SYT1: variants seen among roughly 807,000 people sequenced by gnomAD.
SYT1 encodes synaptotagmin-1.
SYT1 carries 8 observed loss-of-function variants against 44.8 expected under a neutral mutation model. The observed-to-expected ratio is 0.18, with a 90% CI of 0.10 to 0.32. The LOEUF is 0.32. Among genes scored for constraint, SYT1 ranks in the 10% least tolerant of loss-of-function variants. SYT1 has a pLI of 1.00. For missense variants in SYT1, 286 were observed against 509.3 expected, an observed-to-expected ratio of 0.56 and a Z score of 4.22; for synonymous variants, 154 against 188.8, an observed-to-expected ratio of 0.82 and a Z score of 1.51.
chr12:79,422,356 G>C (rs1869171342), intron 9 of SYT1, among the ~76,000 whole-genome samples: 1 of 151,552 alleles, frequency 6.6e-6, no homozygotes, highest in South Asian at 2.1e-4. Context: ...AAGGTTGATT[G>C]GTTTTGTTTA....
chr12:78,983,061 AT>A lies in SYT1; in HGVS notation c.-84+5135del, dbSNP rs565220684. Among the ~76,000 whole-genome samples the A allele has an allele frequency of 4.6e-5, 7 of 150,850 alleles. No homozygotes were observed. In the South Asian group the frequency reaches 1.5e-3, roughly 32 times the overall value. ...TTGTTTATTCACTAACTTTAATCGTATTTTTGTCTAAATTTTCTTCTTCCAA... is the reference window on the plus strand; with the variant it reads ...TTGTTTATTCACTAACTTTAATCGTATTTTGTCTAAATTTTCTTCTTCCAA... On this transcript the variant is annotated intron_variant, in intron 2 of 10. Coordinates refer to ENST00000261205, the MANE Select transcript of SYT1 (RefSeq NM_005639.3).
At chr12:79,446,034 T>TACATATATATATATATGTATATATATATA (rs1491131045) in intron 10 of SYT1, among the ~76,000 whole-genome samples, 11 of 115,552 alleles carry the variant, frequency 9.5e-5, no homozygotes, top group Non-Finnish European at 1.6e-4. Context: ...TATATATATA[T>TACATATATATATATATGTATATATATATA]TATGCCTAGG....
intron 1 of SYT1, among the ~76,000 whole-genome samples, chr12:78,943,998 TTGAA>T (rs1456362069): frequency 6.6e-6 from 1 of 152,180 alleles, no homozygotes; most frequent in Non-Finnish European, 1.5e-5. Context: ...ATGTGTTTCT[TTGAA>T]TGATGATATC....
chr12:79,082,021 A>T (rs1420603816), intron 3 of SYT1, among the ~76,000 whole-genome samples: 1 of 152,220 alleles, frequency 6.6e-6, no homozygotes, highest in Non-Finnish European at 1.5e-5. Flanking sequence ...ATACATTGAC[A>T]TTAAAACTTT....
intron 1 of SYT1, among the ~76,000 whole-genome samples, chr12:78,945,350 A>G (rs1002264449): frequency 6.6e-6 from 1 of 151,814 alleles, no homozygotes; most frequent in African/African-American, 2.4e-5. Flanking sequence ...TCTTTGTAGG[A>G]ACTTATAAAG....
intron 3 of SYT1, among the ~76,000 whole-genome samples, chr12:79,069,701 T>C (rs939059387): frequency 1.3e-5 from 2 of 152,120 alleles, no homozygotes. Flanking sequence ...ATAATAAGTA[T>C]GAAATAAGGA....
chr12:79,185,804 T>C (rs951706545), intron 3 of SYT1, among the ~76,000 whole-genome samples: 6 of 152,040 alleles, frequency 3.9e-5, no homozygotes, highest in Non-Finnish European at 7.4e-5. Context: ...ATACAGGCTT[T>C]TTCTATAAAA....
intron 3 of SYT1, among the ~76,000 whole-genome samples, chr12:79,172,969 C>CAAAAAAAAAAAA (rs200575966): frequency 1.3e-4 from 2 of 15,726 alleles, no homozygotes; most frequent in African/African-American, 3.0e-4. Context: ...TTCCTGCTCT[C>CAAAAAAAAAAAA]AAAAAAAAAA....
At chr12:79,105,606 C>A (rs117660616) in intron 3 of SYT1, among the ~76,000 whole-genome samples, 1 of 152,088 alleles carries the variant, frequency 6.6e-6, no homozygotes, top group East Asian at 1.9e-4. Context: ...TTTGGCCGGG[C>A]GTGGTGGCTC....
At position 78,888,599 on chromosome 12, in the gene SYT1, T is replaced by C. The variant is rs1458548068; in HGVS notation, c.-217+23490T>C. Among the ~76,000 whole-genome samples, 4 of 151,992 alleles carry C rather than the reference T, an allele frequency of 2.6e-5. No homozygotes were observed. The South Asian group carries it at 8.3e-4, about 31-fold the overall frequency. On this transcript the variant is annotated intron_variant, in intron 1 of 10. Transcript: ENST00000261205. ...AATATTTCTATGATAGTTATTATCA[T>C]CTTTTCTAATCTTGTTGGAGTTGTT...
At chr12:79,259,912 T>G (rs1877736590) in intron 4 of SYT1, among the ~76,000 whole-genome samples, 1 of 152,222 alleles carries the variant, frequency 6.6e-6, no homozygotes. Context: ...AGATTTTCTT[T>G]TGTTTTGATT....
At chr12:79,290,987 T>C (rs1026577006) in intron 5 of SYT1, among the ~76,000 whole-genome samples, 2 of 152,226 alleles carry the variant, frequency 1.3e-5, no homozygotes, top group African/African-American at 2.4e-5. Context: ...ATTATTCTAA[T>C]TACTTAAAGC....
chr12:79,383,862 A>G (rs2136078163), intron 9 of SYT1, among the ~76,000 whole-genome samples: 1 of 152,320 alleles, frequency 6.6e-6, no homozygotes, highest in African/African-American at 2.4e-5. Flanking sequence ...AACAAGATGA[A>G]TTCATCTCTA....
chr12:79,299,487 A>G lies in SYT1; in HGVS notation c.746A>G (p.Asn249Ser). 1 of 1,613,668 alleles carries G rather than the reference A, an allele frequency of 6.2e-7. No individual in the cohort carries two copies. The highest frequency in any genetic ancestry group is 8.5e-7 in the Non-Finnish European group (1 of 1,179,658). Reference sequence around the variant, plus strand: ...ATTGGAGAATTTAAAGTCCCTATGAACACAGTGGATTTTGGCCATGTAACT... The same window carrying G: ...ATTGGAGAATTTAAAGTCCCTATGAGCACAGTGGATTTTGGCCATGTAACT... ...DIIGEFKVPMNTVDFGHVTEE... is the reference protein window; with the variant it reads ...DIIGEFKVPMSTVDFGHVTEE... The change falls in exon 8 of 11, where the codon AAC becomes AGC. Residue 249 changes from asparagine (N) to serine (S), a missense_variant. Around this residue, in one of 6 missense-constraint regions of SYT1, gnomAD observed 81 missense variants for 164.9 expected, o/e 0.49. Transcript: ENST00000261205.
chr12:79,382,024 C>T (rs761228388), intron 9 of SYT1, among the ~76,000 whole-genome samples: 1 of 152,048 alleles, frequency 6.6e-6, no homozygotes. Context: ...GATGAGACCA[C>T]GGGGGAGGAA....
At chr12:79,387,083 T>C (rs1884465074) in intron 9 of SYT1, among the ~76,000 whole-genome samples, 1 of 152,232 alleles carries the variant, frequency 6.6e-6, no homozygotes, top group South Asian at 2.1e-4. Context: ...CAATCAAGGC[T>C]AATATCTTAA....
chr12:79,100,362 T>TA (rs779228468), intron 3 of SYT1, among the ~76,000 whole-genome samples: 1 of 152,084 alleles, frequency 6.6e-6, no homozygotes, highest in Non-Finnish European at 1.5e-5. Context: ...TACTATATCT[T>TA]AAAGGTTTTT....
chr12:79,041,557 A>G (rs1750787913), intron 2 of SYT1, among the ~76,000 whole-genome samples: 1 of 152,202 alleles, frequency 6.6e-6, no homozygotes, highest in African/African-American at 2.4e-5. Context: ...ATACACAATC[A>G]TGTCGTCTGC....
intron 4 of SYT1, among the ~76,000 whole-genome samples, chr12:79,255,097 G>A (rs1215664036): frequency 6.6e-6 from 1 of 152,206 alleles, no homozygotes; most frequent in East Asian, 1.9e-4. Flanking sequence ...TGGGTAAAAT[G>A]TTATCAAACA....
Sources: allele counts gnomAD v4.1 joint callset (sites outside exome capture counted in the v4.1 genomes callset), GRCh38; gene constraint gnomAD v4.1.1; regional missense constraint gnomAD v4.1.1; transcripts MANE v1.5; gene names NCBI Gene and HGNC (gene_info 2026-07-23, HGNC 2026-07-21).